MAF: variants seen among roughly 807,000 people sequenced by gnomAD.
The protein encoded by MAF is transcription factor Maf.
MAF carries 10 observed loss-of-function variants against 22.0 expected under a neutral mutation model. The observed-to-expected ratio is 0.45, with a 90% CI of 0.28 to 0.77. The LOEUF is 0.77. Among genes scored for constraint, MAF ranks in the 30% least tolerant of loss-of-function variants. The probability of loss-of-function intolerance (pLI) is 0.12; values close to 1 mark genes in which losing one functional copy is unlikely to be tolerated. For synonymous variants in MAF, 337 were observed against 255.8 expected, an observed-to-expected ratio of 1.32 and a Z score of -3.03; for missense variants, 544 against 548.4, an observed-to-expected ratio of 0.99 and a Z score of 0.08.
At chr16:79,368,246 C>G in the MAF span, among the ~76,000 whole-genome samples, 2 of 152,128 alleles carry the variant, frequency 1.3e-5, no homozygotes, top group Non-Finnish European at 2.9e-5. Context: ...TACATAAAAG[C>G]TCCTGAATGA....
chr16:79,271,400 G>A, the MAF span, among the ~76,000 whole-genome samples: 2 of 152,146 alleles, frequency 1.3e-5, no homozygotes, highest in African/African-American at 4.8e-5. Flanking sequence ...AGGCCATTTG[G>A]TGCAGCTGCA....
chr16:79,573,545 C>G, the MAF span, among the ~76,000 whole-genome samples: 4 of 152,198 alleles, frequency 2.6e-5, no homozygotes, highest in Non-Finnish European at 4.4e-5. Flanking sequence ...CTGTCTTAAT[C>G]AATAATAAAT....
chr16:79,302,796 C>T, the MAF span, among the ~76,000 whole-genome samples: 1 of 152,242 alleles, frequency 6.6e-6, no homozygotes, highest in Non-Finnish European at 1.5e-5. Context: ...ATCCACCATG[C>T]TTTCAGCATT....
chr16:79,236,828 G>C, the MAF span, among the ~76,000 whole-genome samples: 4 of 151,712 alleles, frequency 2.6e-5, no homozygotes, highest in East Asian at 7.7e-4. Context: ...ATGACTCCAG[G>C]CCCTCCAGGG....
rs868331592 is a variant in MAF, at chr16:79,599,207, G to A, written c.696C>T (p.Gly232=). Residue 232 remains glycine (G), a synonymous_variant, in exon 1 of 2, where the codon GGC becomes GGT. Coordinates refer to ENST00000326043, the MANE Select transcript of MAF (RefSeq NM_005360.5). ...CCGCCGCGCCCCCGCCGCCTCCGCC[G>A]CCGCCGCCGCCGCCGCCGCCCCCAG... The part of the protein sequence containing the change: ...ASAGGGGGGG[G]GGGGGGAAGA... 16 of 972,776 alleles carry A rather than the reference G, an allele frequency of 1.6e-5. No homozygotes were observed. The highest frequency in any genetic ancestry group is 5.3e-4 in the Middle Eastern group (1 of 1,888). 60.3% of individuals were successfully genotyped at this position (972,776 alleles called of 1,614,324 possible). A position where few individuals can be genotyped will look rare whatever the true frequency, so the allele number is the denominator to read the frequency against.
At chr16:79,375,627 C>T in the MAF span, among the ~76,000 whole-genome samples, 13,388 of 152,046 alleles carry the variant, frequency 0.088, 1,258 homozygotes, top group African/African-American at 0.24. Flanking sequence ...GTGATGATGA[C>T]AGCTGGTATT....
intron 1 of MAF, chr16:79,598,417 T>G: frequency 8.5e-7 from 1 of 1,173,814 alleles, no homozygotes; most frequent in South Asian, 1.7e-5. Context: ...CTGAGATCAT[T>G]GAACATTGTG....
At chr16:79,581,078 T>C (rs1223844493), downstream of MAF, among the ~76,000 whole-genome samples, 1 of 152,184 alleles carries the variant, frequency 6.6e-6, no homozygotes, top group African/African-American at 2.4e-5. Context: ...CCTTCTAAAA[T>C]GCAGTGCTTG....
In MAF at chr16:79,600,636, A is replaced by G. The variant is rs986206359; in HGVS notation, c.-734T>C. 5.1e-6 allele frequency: 1 copy of G among 197,590 alleles called. No individual in the cohort carries two copies. The highest frequency in any genetic ancestry group is 6.3e-5 in the Admixed American group (1 of 15,974). The allele number at this position is 197,590 out of a possible 1,614,324, so 12.2% of individuals were successfully genotyped here. A position where few individuals can be genotyped will look rare whatever the true frequency, so the allele number is the denominator to read the frequency against. ...CAAAATAGCGAAGTCCTGGGGAAAG[A>G]CGAGGCAGAGAGCAAAGGGGGGAGG... On this transcript the variant is annotated 5_prime_UTR_variant, in exon 1 of 2. Coordinates refer to ENST00000326043, the MANE Select transcript of MAF (RefSeq NM_005360.5).
At chr16:79,277,448 C>T in the MAF span, among the ~76,000 whole-genome samples, 1 of 152,182 alleles carries the variant, frequency 6.6e-6, no homozygotes, top group East Asian at 1.9e-4. Flanking sequence ...CATCTGTAGG[C>T]TATAAATTGT....
chr16:79,358,116 G>A, the MAF span, among the ~76,000 whole-genome samples: 1 of 152,180 alleles, frequency 6.6e-6, no homozygotes, highest in African/African-American at 2.4e-5. Flanking sequence ...CACAGCCCCT[G>A]CCCCCAGAGG....
At chr16:79,457,563 T>C in the MAF span, among the ~76,000 whole-genome samples, 15 of 152,150 alleles carry the variant, frequency 9.9e-5, no homozygotes, top group South Asian at 2.1e-4. Flanking sequence ...AGTGGAGCTA[T>C]GAAAACCAAT....
At chr16:79,341,756 T>C in the MAF span, among the ~76,000 whole-genome samples, 2 of 152,092 alleles carry the variant, frequency 1.3e-5, no homozygotes, top group African/African-American at 2.4e-5. Flanking sequence ...AGCAGAGAGA[T>C]CAGTGAGCAG....
the MAF span, among the ~76,000 whole-genome samples, chr16:79,452,255 C>T: frequency 6.6e-6 from 1 of 152,194 alleles, no homozygotes; most frequent in Non-Finnish European, 1.5e-5. Flanking sequence ...GTATATAAAA[C>T]AAGCTATTAA....
chr16:79,262,703 C>T, the MAF span, among the ~76,000 whole-genome samples: 1 of 152,136 alleles, frequency 6.6e-6, no homozygotes, highest in African/African-American at 2.4e-5. Context: ...TGCTCTGAGC[C>T]AGGCAGGATG....
At chr16:79,348,641 C>T in the MAF span, among the ~76,000 whole-genome samples, 3 of 152,174 alleles carry the variant, frequency 2.0e-5, no homozygotes, top group Non-Finnish European at 4.4e-5. Flanking sequence ...CAAACTCCAA[C>T]GACGGGGAAA....
chr16:79,242,960 T>A, the MAF span, among the ~76,000 whole-genome samples: 1 of 151,876 alleles, frequency 6.6e-6, no homozygotes, highest in Non-Finnish European at 1.5e-5. Flanking sequence ...GCTGGGTAAA[T>A]AACAAAATGA....
the MAF span, among the ~76,000 whole-genome samples, chr16:79,364,585 C>G: frequency 1.3e-5 from 2 of 152,216 alleles, no homozygotes; most frequent in Admixed American, 6.5e-5. Flanking sequence ...ACAGAGCACA[C>G]TGTTTTCCAA....
At chr16:79,415,152 G>A in the MAF span, among the ~76,000 whole-genome samples, 1 of 152,180 alleles carries the variant, frequency 6.6e-6, no homozygotes, top group Admixed American at 6.5e-5. Flanking sequence ...CCACGGATGA[G>A]CTCACCCAAA....
Sources: allele counts gnomAD v4.1 joint callset (sites outside exome capture counted in the v4.1 genomes callset), GRCh38; gene constraint gnomAD v4.1.1; transcripts MANE v1.5; gene names NCBI Gene and HGNC (gene_info 2026-07-23, HGNC 2026-07-21).